DHX57: variants seen among roughly 807,000 people sequenced by gnomAD.
DHX57 encodes the protein DExH-box helicase 57.
A neutral mutation model predicts 156.2 loss-of-function variants in DHX57; 105 were observed. The ratio of observed to expected loss-of-function variants is 0.67; its 90% confidence interval spans 0.57 to 0.79. The LOEUF (loss-of-function observed/expected upper bound fraction) is 0.79, where lower values mean the gene tolerates loss of function less well. Among genes scored for constraint, DHX57 ranks in the 30% least tolerant of loss-of-function variants. The probability of loss-of-function intolerance (pLI) is 0.00; values close to 1 mark genes in which losing one functional copy is unlikely to be tolerated. For synonymous variants in DHX57, 704 were observed against 595.6 expected (o/e 1.18, Z -2.65); for missense variants, 1,847 against 1,661.9 (o/e 1.11, Z -1.94).
rs1671039746 is a variant in DHX57, at chr2:38,825,445, G to GGTGTGTGT, written c.3014+401_3014+402insACACACAC. Among the ~76,000 whole-genome samples, 4 of 152,268 alleles carry GGTGTGTGT rather than the reference G, an allele frequency of 2.6e-5. No individual in the cohort carries two copies. In the South Asian group the frequency reaches 8.3e-4, roughly 32 times the overall value. On this transcript the variant is annotated intron_variant, in intron 16 of 23. Transcript: ENST00000457308. ...AGCCTCCCAAGTAGCTGGGATTACAGGTGTGTGCTATCACACACAGATAAT... is the reference window on the plus strand; with the variant it reads ...AGCCTCCCAAGTAGCTGGGATTACAGGTGTGTGTGTGTGTGCTATCACACACAGATAAT...
chr2:38,807,516 C>T (rs1266354169), intron 21 of DHX57, among the ~76,000 whole-genome samples: 2 of 151,926 alleles, frequency 1.3e-5, no homozygotes, highest in African/African-American at 4.8e-5. Flanking sequence ...CGCCGCCACA[C>T]CCGGCTAATT....
At chr2:38,837,263 A>G (rs1002225063) in intron 13 of DHX57, among the ~76,000 whole-genome samples, 6 of 152,136 alleles carry the variant, frequency 3.9e-5, no homozygotes, top group Non-Finnish European at 8.8e-5. Flanking sequence ...ATAGTTTTAC[A>G]TAACAGGATT....
At position 38,798,429 on chromosome 2, in the gene DHX57, A is replaced by C; in HGVS notation, c.4031T>G (p.Val1344Gly). 1.3e-5 allele frequency: 21 copies of C among 1,612,224 alleles called. No individual in the cohort carries two copies. Among genetic ancestry groups the C allele is most frequent in the Non-Finnish European group, 1.8e-5 (21 of 1,179,330 alleles). The change falls in exon 24 of 24, where the codon GTA becomes GGA. Residue 1344 changes from valine to glycine, a missense_variant. Coordinates refer to ENST00000457308, the MANE Select transcript of DHX57 (RefSeq NM_198963.3). ...ATCAAGTTCGCAACGAAGCTCCTTT[A>C]CCAGTTCAGCCACCTAAAATGAAAG... is the stretch of plus-strand genomic sequence containing the variant. The part of the protein sequence containing the change: ...VAASHQVAEL[V>G]KELRCELDQL...
At chr2:38,843,286 G>C (rs931509215) in intron 11 of DHX57, 76 bp from the exon 12 acceptor site, 2 of 1,476,336 alleles carry the variant, frequency 1.4e-6, no homozygotes, top group Admixed American at 3.5e-5. Flanking sequence ...CCTGTTTCAC[G>C]TGCTCGTTCA....
chr2:38,829,372 C>T (rs1671264417), intron 13 of DHX57, among the ~76,000 whole-genome samples: 1 of 151,680 alleles, frequency 6.6e-6, no homozygotes, highest in South Asian at 2.1e-4. Context: ...ACCTCCACCT[C>T]CTGGGTTCAA....
chr2:38,822,814 G>C (rs949475900), intron 17 of DHX57, among the ~76,000 whole-genome samples, 179 bp downstream of exon 17: 2 of 152,106 alleles, frequency 1.3e-5, no homozygotes, highest in African/African-American at 4.8e-5. Flanking sequence ...ATTTGTTTTT[G>C]TCTTTTCAGA....
intron 5 of DHX57, 61 bp downstream of exon 5, chr2:38,860,938 C>A (rs755617474): frequency 1.0e-4 from 148 of 1,469,540 alleles, no homozygotes; most frequent in Non-Finnish European, 1.3e-4. Flanking sequence ...GCCTTAAAGG[C>A]TTTGACTTCT....
intron 23 of DHX57, among the ~76,000 whole-genome samples, chr2:38,801,083 T>G (rs1019298334): frequency 3.9e-5 from 6 of 152,218 alleles, no homozygotes; most frequent in African/African-American, 1.2e-4. Context: ...CTAGAACAAT[T>G]AAAATTACAT....
chr2:38,858,082 G>A (rs750848230), intron 6 of DHX57, among the ~76,000 whole-genome samples: 4 of 152,260 alleles, frequency 2.6e-5, no homozygotes, highest in South Asian at 2.1e-4. Context: ...TTGTTTTTGA[G>A]ACAGAGTCTT....
At chr2:38,869,392 T>C (rs1433108309) in intron 1 of DHX57, among the ~76,000 whole-genome samples, 2 of 152,190 alleles carry the variant, frequency 1.3e-5, no homozygotes, top group African/African-American at 4.8e-5. Flanking sequence ...GTTTAGACTG[T>C]TGGCCAACTA....
intron 13 of DHX57, among the ~76,000 whole-genome samples, chr2:38,832,010 A>C (rs1671408895): frequency 1.3e-5 from 2 of 152,084 alleles, no homozygotes; most frequent in South Asian, 4.1e-4. Flanking sequence ...CGACAGAGCA[A>C]GACTGTCACA....
intron 21 of DHX57, chr2:38,810,542 C>T (rs764937346): frequency 9.5e-5 from 54 of 566,268 alleles, no homozygotes; most frequent in African/African-American, 1.8e-4. Context: ...TTGCCCTCCA[C>T]GTTCATGCTC....
At chr2:38,803,316 C>T (rs1558350246) in intron 22 of DHX57, among the ~76,000 whole-genome samples, 1 of 151,820 alleles carries the variant, frequency 6.6e-6, no homozygotes, top group Non-Finnish European at 1.5e-5. Context: ...GCAGTGTTCC[C>T]TATCTCAGGA....
chr2:38,817,159 T>A (rs1462418423), intron 19 of DHX57, among the ~76,000 whole-genome samples: 1 of 152,074 alleles, frequency 6.6e-6, no homozygotes, highest in Admixed American at 6.6e-5. Flanking sequence ...CTCGAACTCC[T>A]GGGCTCAAAG....
Position 38,868,320 on chromosome 2 carries a change from T to C in DHX57, c.86A>G (p.His29Arg). Residue 29 changes from histidine to arginine, a missense_variant, in exon 2 of 24, where the codon CAC (histidine) becomes CGC (arginine). Transcript: ENST00000457308. The stretch of plus-strand genomic sequence containing the variant: ...ACCACTCCCATGAGATTTACTGGCG[T>C]GACTCCTGCCTCCTCTTCCTCCTCT... ...SSRGGRGGRS[H>R]ASKSHGSGGG... The C allele has an allele frequency of 6.2e-7, 1 of 1,612,430 alleles. No homozygotes were observed. Among genetic ancestry groups the C allele is most frequent in the Non-Finnish European group, 8.5e-7 (1 of 1,179,330 alleles).
Position 38,820,417 on chromosome 2 carries a change from C to G in DHX57, c.3292-1273G>C, listed in dbSNP as rs558493554. On this transcript the variant is annotated intron_variant, in intron 17 of 23. Coordinates refer to ENST00000457308, the MANE Select transcript of DHX57 (RefSeq NM_198963.3). ...AGTGCTCACCATTACACCATGGAACCTCAAACCAGACATCAACGTCTCTAA... is the reference window on the plus strand; with the variant it reads ...AGTGCTCACCATTACACCATGGAACGTCAAACCAGACATCAACGTCTCTAA... 5.7e-4 allele frequency among the ~76,000 whole-genome samples: 87 copies of G among 151,966 alleles called. 1 individual carries two copies. In the South Asian group the frequency reaches 0.014, roughly 24 times the overall value.
intron 11 of DHX57, among the ~76,000 whole-genome samples, 179 bp from the exon 12 acceptor site, chr2:38,843,389 A>G (rs771045775): frequency 2.6e-5 from 4 of 152,154 alleles, no homozygotes; most frequent in Admixed American, 6.5e-5. Context: ...ACACACTGCA[A>G]TGCTTTTAGG....
intron 14 of DHX57, among the ~76,000 whole-genome samples, chr2:38,827,531 TATAC>T (rs1408765370): frequency 4.5e-5 from 2 of 44,366 alleles, no homozygotes; most frequent in African/African-American, 6.7e-5. Flanking sequence ...TATATATATA[TATAC>T]ACACATACAT....
intron 21 of DHX57, among the ~76,000 whole-genome samples, chr2:38,812,195 T>C (rs1670282169): frequency 6.6e-6 from 1 of 152,192 alleles, no homozygotes; most frequent in African/African-American, 2.4e-5. Context: ...TAGAGTATAA[T>C]ATAAAAACCA....
Sources: gnomAD v4.1 joint callset for allele counts (sites outside exome capture counted in the v4.1 genomes callset) on GRCh38, gnomAD v4.1.1 for gene constraint, MANE v1.5 for transcripts, NCBI Gene and HGNC (gene_info 2026-07-23, HGNC 2026-07-21) for gene names.